Variants in RYR2 observed in about 807,000 individuals in gnomAD.
The protein encoded by RYR2 is cardiac muscle ryanodine receptor-calcium release channel.
In RYR2, 227 loss-of-function variants were observed where a neutral mutation model predicts 601.1. That is an observed-to-expected ratio of 0.38 (90% CI 0.34 to 0.42). RYR2 has a LOEUF of 0.42. Ranked by LOEUF, RYR2 falls within the 10% of genes least tolerant of loss-of-function variation. The probability of loss-of-function intolerance (pLI) is 1.00; values close to 1 mark genes in which losing one functional copy is unlikely to be tolerated. For missense variants in RYR2, 4,646 were observed against 6,156.5 expected (o/e 0.75, Z 8.21); for synonymous variants, 2,223 against 2,175.1 (o/e 1.02, Z -0.61).
intron 64 of RYR2, 60 bp downstream of exon 64, chr1:237,699,085 A>G: frequency 1.3e-6 from 1 of 750,892 alleles, no homozygotes. Context: ...GTATATATAT[A>G]AGAATATTAA....
At chr1:237,209,495 A>ATGTGTGTGTGTGTGTG (rs1227902374) in intron 1 of RYR2, among the ~76,000 whole-genome samples, 7 of 39,292 alleles carry the variant, frequency 1.8e-4, no homozygotes, top group Admixed American at 1.1e-3. Context: ...AAATCTGCAT[A>ATGTGTGTGTGTGTGTG]TATGTGTGTG....
At chr1:237,052,706 T>G (rs1214092922) in intron 1 of RYR2, among the ~76,000 whole-genome samples, 1 of 152,182 alleles carries the variant, frequency 6.6e-6, no homozygotes, top group African/African-American at 2.4e-5. Flanking sequence ...AACAGGGTTT[T>G]TTTTTTCCTC....
intron 1 of RYR2, among the ~76,000 whole-genome samples, chr1:237,135,597 C>T (rs1291458034): frequency 6.7e-6 from 1 of 150,170 alleles, no homozygotes; most frequent in Non-Finnish European, 1.5e-5. Context: ...AGAATGGTCT[C>T]GATCTCCTGA....
intron 63 of RYR2, among the ~76,000 whole-genome samples, chr1:237,695,133 T>C (rs1687305133): frequency 6.6e-6 from 1 of 152,180 alleles, no homozygotes; most frequent in Non-Finnish European, 1.5e-5. Flanking sequence ...AGAAACTTTA[T>C]TTAAAAAAAC....
intron 68 of RYR2, 83 bp downstream of exon 68, chr1:237,707,352 C>A: frequency 1.5e-6 from 1 of 686,318 alleles, no homozygotes; most frequent in Non-Finnish European, 2.2e-6. Context: ...AGAATTTTCC[C>A]ATCACAATTT....
In RYR2 at chr1:237,785,953, C is replaced by T. The variant is rs1291567732; in HGVS notation, c.13261-16C>T. ...TGGGTAATCCTGGTTTTCTTTTCCC[C>T]ATTGACTCATTCAAGGAACAGAAGG... On this transcript the variant is annotated splice_polypyrimidine_tract_variant and intron_variant, in intron 90 of 104. Coordinates refer to ENST00000366574, the MANE Select transcript of RYR2 (RefSeq NM_001035.3). 1 of 1,566,826 alleles carries T rather than the reference C, an allele frequency of 6.4e-7. No homozygotes were observed.
chr1:237,686,657 T>C (rs1440023117), intron 62 of RYR2, among the ~76,000 whole-genome samples: 1 of 152,100 alleles, frequency 6.6e-6, no homozygotes, highest in Non-Finnish European at 1.5e-5. Flanking sequence ...GGTTCAAGTG[T>C]CTGATCTGAG....
chr1:237,122,596 C>T (rs1168534668), intron 1 of RYR2, among the ~76,000 whole-genome samples: 5 of 152,168 alleles, frequency 3.3e-5, no homozygotes, highest in African/African-American at 4.8e-5. Context: ...GCACAAGAAT[C>T]GCTTGAACCT....
At chr1:237,486,936 A>G (rs1662746364) in intron 17 of RYR2, among the ~76,000 whole-genome samples, 1 of 152,166 alleles carries the variant, frequency 6.6e-6, no homozygotes, top group South Asian at 2.1e-4. Context: ...ATTGATTATT[A>G]TATATTTCTA....
chr1:237,324,581 A>G (rs189015479), intron 2 of RYR2, among the ~76,000 whole-genome samples: 1 of 152,356 alleles, frequency 6.6e-6, no homozygotes, highest in East Asian at 1.9e-4. Context: ...TAAATTAGGC[A>G]GATAAAATTA....
intron 1 of RYR2, among the ~76,000 whole-genome samples, chr1:237,261,739 A>G (rs1166415452): frequency 6.6e-6 from 1 of 152,156 alleles, no homozygotes; most frequent in Non-Finnish European, 1.5e-5. Context: ...CCACATCGTC[A>G]TTTGATCAAT....
At chr1:237,317,630 C>T (rs372292726) in intron 2 of RYR2, among the ~76,000 whole-genome samples, 51 of 152,130 alleles carry the variant, frequency 3.4e-4, no homozygotes, top group East Asian at 2.1e-3. Flanking sequence ...TTTGGAAATA[C>T]GGTTTAACTT....
intron 2 of RYR2, among the ~76,000 whole-genome samples, chr1:237,271,461 T>C (rs1396018661): frequency 2.0e-5 from 3 of 152,212 alleles, no homozygotes; most frequent in Non-Finnish European, 4.4e-5. Context: ...TTACTGTATG[T>C]TCTGTATATG....
chr1:237,792,349 CTGTGTGTGTGTG>C lies in RYR2; in HGVS notation c.13782+47_13782+58del, dbSNP rs34337859. 1.1e-3 allele frequency: 743 copies of C among 705,504 alleles called. 1 individual carries two copies. The highest frequency in any genetic ancestry group is 6.1e-3 in the African/African-American group (306 of 50,040). 43.7% of individuals were successfully genotyped at this position (705,504 alleles called of 1,614,324 possible). On this transcript the variant is annotated intron_variant, in intron 94 of 104. Transcript: ENST00000366574. ...GTAAGATAGTAAGGCACCAAGGTACCTGTGTGTGTGTGTGTGTGTGTGTGTGTGTGTGCGTGT... is the reference window on the plus strand; with the variant it reads ...GTAAGATAGTAAGGCACCAAGGTACCTGTGTGTGTGTGTGTGTGTGCGTGT...
chr1:237,453,705 G>T (rs996098008), intron 14 of RYR2, among the ~76,000 whole-genome samples: 1 of 152,032 alleles, frequency 6.6e-6, no homozygotes, highest in East Asian at 1.9e-4. Context: ...ATGTTATAAA[G>T]TTCTTTTCAG....
chr1:237,374,953 A>T (rs971782156), intron 7 of RYR2, among the ~76,000 whole-genome samples, 158 bp downstream of exon 7: 8 of 152,196 alleles, frequency 5.3e-5, no homozygotes, highest in Admixed American at 4.6e-4. Flanking sequence ...GGGAAAGTGT[A>T]TATCATTCCT....
intron 2 of RYR2, among the ~76,000 whole-genome samples, chr1:237,277,719 C>T (rs1690433007): frequency 1.3e-5 from 2 of 152,126 alleles, no homozygotes; most frequent in African/African-American, 2.4e-5. Flanking sequence ...ACTCAGGAGG[C>T]TGAGGCAGGA....
At chr1:237,746,821 A>AT (rs564732478) in intron 80 of RYR2, among the ~76,000 whole-genome samples, 4 of 152,272 alleles carry the variant, frequency 2.6e-5, no homozygotes, top group African/African-American at 9.6e-5. Context: ...TTGGAGTTGA[A>AT]TGCTAGATTT....
intron 1 of RYR2, among the ~76,000 whole-genome samples, chr1:237,124,778 T>TG (rs756141290): frequency 6.6e-5 from 10 of 151,860 alleles, no homozygotes; most frequent in African/African-American, 2.2e-4. Context: ...TTTTTTTTGG[T>TG]GGGGGGCGCG....
Sources: gnomAD v4.1 joint callset for allele counts (sites outside exome capture counted in the v4.1 genomes callset) on GRCh38, gnomAD v4.1.1 for gene constraint, MANE v1.5 for transcripts, NCBI Gene and HGNC (gene_info 2026-07-23, HGNC 2026-07-21) for gene names.